CDK14: variants seen among roughly 807,000 people sequenced by gnomAD.
CDK14 encodes the protein cyclin-dependent kinase 14.
CDK14 carries 34 observed loss-of-function variants against 60.7 expected under a neutral mutation model. The observed-to-expected ratio is 0.56, with a 90% CI of 0.43 to 0.75. CDK14 has a LOEUF of 0.75. CDK14 is among the 30% of genes least tolerant of loss of function. The pLI is 0.00. For synonymous variants in CDK14, 197 were observed against 203.7 expected, an observed-to-expected ratio of 0.97 and a Z score of 0.28; for missense variants, 482 against 564.1, an observed-to-expected ratio of 0.85 and a Z score of 1.47.
intron 6 of CDK14, among the ~76,000 whole-genome samples, chr7:90,883,543 A>G (rs1197564250): frequency 2.0e-5 from 3 of 152,200 alleles, no homozygotes; most frequent in African/African-American, 7.2e-5. Flanking sequence ...TTTTGAAACT[A>G]TTCCAAACAA....
intron 14 of CDK14, among the ~76,000 whole-genome samples, chr7:91,144,394 TA>T (rs939993496): frequency 1.3e-5 from 2 of 152,236 alleles, no homozygotes; most frequent in African/African-American, 2.4e-5. Context: ...CATTTGTTTT[TA>T]AAAAATATAT....
chr7:90,739,441 T>A (rs1803259714), intron 3 of CDK14, among the ~76,000 whole-genome samples: 1 of 152,196 alleles, frequency 6.6e-6, no homozygotes, highest in Non-Finnish European at 1.5e-5. Context: ...TCTAATTTCC[T>A]CAGTTCAGTT....
chr7:90,603,104 T>TA (rs1799349272), intron 1 of CDK14, among the ~76,000 whole-genome samples: 1 of 152,226 alleles, frequency 6.6e-6, no homozygotes, highest in African/African-American at 2.4e-5. Flanking sequence ...AAATCATGTA[T>TA]AAAGCAGCAA....
At chr7:90,698,110 C>CATGGGTA (rs1282955791) in intron 2 of CDK14, among the ~76,000 whole-genome samples, 2 of 145,888 alleles carry the variant, frequency 1.4e-5, no homozygotes, top group African/African-American at 5.0e-5. Context: ...AAAAGTGTTG[C>CATGGGTA]ATGGGTATGT....
chr7:90,662,124 G>T lies in CDK14; in HGVS notation c.123+57875G>T, dbSNP rs1156484934. Among the ~76,000 whole-genome samples the T allele has an allele frequency of 2.0e-5, 3 of 152,330 alleles. No homozygotes were observed. The East Asian group carries it at 5.8e-4, about 29-fold the overall frequency. ...TAAACAACTTTGTCAATACTTTGAG[G>T]AACACTTTCACATGTTTGGAACTTA... On this transcript the variant is annotated intron_variant, in intron 2 of 14. Transcript: ENST00000380050.
intron 7 of CDK14, among the ~76,000 whole-genome samples, chr7:90,907,200 A>G (rs1272986279): frequency 6.6e-6 from 1 of 151,984 alleles, no homozygotes; most frequent in Non-Finnish European, 1.5e-5. Flanking sequence ...TGGTTAGAAT[A>G]TTTTTGGAAA....
chr7:90,601,769 AG>A (rs1799317898), intron 1 of CDK14, among the ~76,000 whole-genome samples: 1 of 151,872 alleles, frequency 6.6e-6, no homozygotes. Context: ...TTTTGGCGGC[AG>A]AGGAACAGGG....
In CDK14 at chr7:91,076,242, C is replaced by CAAA. The variant is rs564729987; in HGVS notation, c.1106-3158_1106-3156dup. Among the ~76,000 whole-genome samples, 201 of 28,810 alleles carry CAAA rather than the reference C, an allele frequency of 7.0e-3. 27 individuals are homozygous for CAAA. Among genetic ancestry groups the CAAA allele is most frequent in the South Asian group, 9.9e-3 (3 of 304 alleles). The allele number at this position is 28,810 out of a possible 152,430, so 18.9% of individuals were successfully genotyped here. A position where few individuals can be genotyped will look rare whatever the true frequency, so the allele number is the denominator to read the frequency against. On this transcript the variant is annotated intron_variant, in intron 11 of 14. Transcript: ENST00000380050. ...AACTATACTACAGTGCTACAGTAAC[C>CAAA]AAAAAAAAAAAAAAAAAAAAAAAAA...
At chr7:90,699,468 A>C (rs1217401445) in intron 2 of CDK14, among the ~76,000 whole-genome samples, 1 of 152,200 alleles carries the variant, frequency 6.6e-6, no homozygotes, top group Non-Finnish European at 1.5e-5. Context: ...TTCCCATAAG[A>C]TTGGTACCTT....
chr7:90,629,585 G>C, intron 2 of CDK14, among the ~76,000 whole-genome samples: 1 of 152,220 alleles, frequency 6.6e-6, no homozygotes, highest in East Asian at 1.9e-4. Context: ...CTGGTGTTTG[G>C]TGGGCAGGGG....
rs1793122707 is a variant in CDK14, at chr7:90,917,697, A to T, written c.799A>T (p.Thr267Ser). Residue 267 changes from threonine (T) to serine (S), a missense_variant, in exon 8 of 15, where the codon ACG (threonine) becomes TCG (serine). By Grantham distance (58) the Thr-to-Ser change is moderately conservative. Coordinates refer to ENST00000380050, the MANE Select transcript of CDK14 (RefSeq NM_001287135.2). ...LKPQNLLISDTGELKLADFGL... is the reference protein window; with the variant it reads ...LKPQNLLISDSGELKLADFGL... ...ACCACAGAACCTTCTGATCAGTGAC[A>T]CGGGGGAGTTAAAGCTGGCAGATTT... 1.2e-6 allele frequency: 2 copies of T among 1,613,468 alleles called. No homozygotes were observed. Among genetic ancestry groups the T allele is most frequent in the East Asian group, 4.5e-5 (2 of 44,862 alleles).
intron 10 of CDK14, among the ~76,000 whole-genome samples, chr7:91,016,332 C>T (rs1218419116): frequency 6.6e-6 from 1 of 152,136 alleles, no homozygotes; most frequent in African/African-American, 2.4e-5. Flanking sequence ...TTTTTTGTGG[C>T]CTTTCAGGAA....
At chr7:90,783,129 A>T (rs1240898636) in intron 4 of CDK14, among the ~76,000 whole-genome samples, 1 of 152,182 alleles carries the variant, frequency 6.6e-6, no homozygotes, top group Non-Finnish European at 1.5e-5. Context: ...GTTTCTAAAT[A>T]TTATGAGTTT....
chr7:90,775,101 TAGAG>T (rs1040417318), intron 4 of CDK14, among the ~76,000 whole-genome samples: 6 of 152,154 alleles, frequency 3.9e-5, no homozygotes, highest in Non-Finnish European at 7.3e-5. Context: ...ATGCCTCTGT[TAGAG>T]AAAGAGGGGG....
intron 2 of CDK14, among the ~76,000 whole-genome samples, chr7:90,610,297 G>A (rs1799512632): frequency 1.3e-5 from 2 of 152,112 alleles, no homozygotes; most frequent in Non-Finnish European, 2.9e-5. Context: ...TTACCTAGTG[G>A]CTGCCAAGAG....
At chr7:90,982,583 C>A (rs566703814) in intron 9 of CDK14, among the ~76,000 whole-genome samples, 1 of 152,224 alleles carries the variant, frequency 6.6e-6, no homozygotes, top group African/African-American at 2.4e-5. Context: ...CTAGAGACTA[C>A]AATACTTTAT....
At chr7:90,766,712 C>T (rs1233217430) in intron 4 of CDK14, among the ~76,000 whole-genome samples, 1 of 152,156 alleles carries the variant, frequency 6.6e-6, no homozygotes, top group Non-Finnish European at 1.5e-5. Flanking sequence ...GAGCCCCAGC[C>T]GAGGTCCGAG....
chr7:90,716,054 C>T (rs1802240172), intron 2 of CDK14, among the ~76,000 whole-genome samples: 1 of 151,914 alleles, frequency 6.6e-6, no homozygotes, highest in South Asian at 2.1e-4. Context: ...GGCATTTTAA[C>T]CAGCATATAA....
chr7:90,785,925 C>T (rs1290412790), intron 4 of CDK14, among the ~76,000 whole-genome samples: 2 of 152,058 alleles, frequency 1.3e-5, no homozygotes, highest in Non-Finnish European at 2.9e-5. Flanking sequence ...GTGCTTTGTG[C>T]TTAGAAACAG....
Sources: gnomAD v4.1 joint callset for allele counts (sites outside exome capture counted in the v4.1 genomes callset) on GRCh38, gnomAD v4.1.1 for gene constraint, MANE v1.5 for transcripts, NCBI Gene and HGNC (gene_info 2026-07-23, HGNC 2026-07-21) for gene names.